The following LRRC46 variants were observed in gnomAD, a reference collection of about 807,000 sequenced individuals.
LRRC46 encodes leucine-rich repeat-containing protein 46.
LRRC46 carries 20 observed loss-of-function variants against 28.0 expected under a neutral mutation model. The ratio of observed to expected loss-of-function variants is 0.71; its 90% CI spans 0.50 to 1.04. The LOEUF (loss-of-function observed/expected upper bound fraction) is 1.04. LRRC46 is among the 50% of genes least tolerant of loss of function. The pLI is 0.00. For missense variants in LRRC46, 315 were observed against 390.1 expected, an observed-to-expected ratio of 0.81 and a Z score of 1.62; for synonymous variants, 156 against 158.8, an observed-to-expected ratio of 0.98 and a Z score of 0.13.
chr17:47,835,181 A>G, intron 3 of LRRC46, 172 bp from the exon 4 acceptor site: 1 of 743,036 alleles, frequency 1.3e-6, no homozygotes, highest in Non-Finnish European at 2.4e-6. Context: ...ATGGGGAAAG[A>G]AAATCATCTT....
Position 47,834,419 on chromosome 17 carries a change from T to C in LRRC46, c.117-6T>C. The C allele has an allele frequency of 6.2e-7, 1 of 1,605,058 alleles. No individual in the cohort carries two copies. The highest frequency in any genetic ancestry group is 8.5e-7 in the Non-Finnish European group (1 of 1,172,918). ...CTAACACCACCCTTACTGACTCTTT[T>C]CCCAGGTTTCACACTCTTGATGAAC... On this transcript the variant is annotated splice_region_variant and splice_polypyrimidine_tract_variant and intron_variant, in intron 2 of 7. Transcript: ENST00000269025.
chr17:47,833,390 C>T (rs1205187066), intron 2 of LRRC46, among the ~76,000 whole-genome samples: 2 of 151,232 alleles, frequency 1.3e-5, no homozygotes, highest in African/African-American at 4.9e-5. Context: ...CCTCCTTCTT[C>T]CTTTCCCCTG....
In LRRC46 at chr17:47,832,222, G is replaced by A; in HGVS notation, c.116+17G>A. ...AGAGAAGATGTGAGTGCATGGGGGA[G>A]AAAAGGGGTGCTAGAAGGCTGAAAC... is the stretch of plus-strand genomic sequence containing the variant. On this transcript the variant is annotated intron_variant, in intron 2 of 7. Transcript: ENST00000269025. 1 of 1,541,566 alleles carries A rather than the reference G, an allele frequency of 6.5e-7. No homozygotes were observed. The highest frequency in any genetic ancestry group is 8.8e-7 in the Non-Finnish European group (1 of 1,138,360).
At chr17:47,832,523 T>TA (rs562128112) in intron 2 of LRRC46, among the ~76,000 whole-genome samples, 39 of 151,926 alleles carry the variant, frequency 2.6e-4, no homozygotes, top group African/African-American at 9.4e-4. Flanking sequence ...ATCCTATCTC[T>TA]AAAAAATAAA....
At chr17:47,834,360 A>G (rs376001448) in intron 2 of LRRC46, 65 bp from the exon 3 acceptor site, 3 of 1,193,502 alleles carry the variant, frequency 2.5e-6, no homozygotes, top group Non-Finnish European at 3.6e-6. Context: ...TCCGTCTCCC[A>G]TCCTCCCTGC....
In LRRC46 at chr17:47,836,339, G is replaced by A; in HGVS notation, c.459G>A (p.Leu153=). 1 of 1,613,898 alleles carries A rather than the reference G, an allele frequency of 6.2e-7. No homozygotes were observed. Among genetic ancestry groups the A allele is most frequent in the Non-Finnish European group, 8.5e-7 (1 of 1,180,018 alleles). The part of the protein sequence containing the change: ...SCTNQDGYRE[L]VTEALPLLLD... ...TGCTCCTTCTGCTCTGCAGCGAGCT[G>A]GTGACAGAAGCCCTGCCACTTCTCC... is the stretch of plus-strand genomic sequence containing the variant. Residue 153 remains leucine (L), a synonymous_variant, in exon 7 of 8, where the codon CTG becomes CTA. Transcript: ENST00000269025. The surrounding 1 kb of genome is among the most constrained non-coding windows in gnomAD (Gnocchi z 5.8).
rs1298647432 is a variant in LRRC46, at chr17:47,836,099, A to G, written c.449A>G (p.Tyr150Cys). The G allele has an allele frequency of 6.2e-7, 1 of 1,614,120 alleles. No individual in the cohort carries two copies. The highest frequency in any genetic ancestry group is 1.1e-5 in the South Asian group (1 of 91,082). ...SGNSCTNQDG[Y>C]RELVTEALPL... ...AACAGCTGCACCAACCAGGATGGCT[A>G]CCGGTAAGGAGTGGAGGGTGGGAAG... The change falls in exon 6 of 8, where the codon TAC becomes TGC. Residue 150 changes from tyrosine (Y) to cysteine (C), a missense_variant. By Grantham distance (194) the Tyr-to-Cys change is radical. Coordinates refer to ENST00000269025, the MANE Select transcript of LRRC46 (RefSeq NM_033413.4). This position sits in a 1 kb window ranked among gnomAD's most constrained non-coding sequence, Gnocchi z 5.8.
chr17:47,832,220 G>C lies in LRRC46; in HGVS notation c.116+15G>C. On this transcript the variant is annotated intron_variant, in intron 2 of 7. Coordinates refer to ENST00000269025, the MANE Select transcript of LRRC46 (RefSeq NM_033413.4). Reference sequence around the variant, plus strand: ...TCAGAGAAGATGTGAGTGCATGGGGGAGAAAAGGGGTGCTAGAAGGCTGAA... The same window carrying C: ...TCAGAGAAGATGTGAGTGCATGGGGCAGAAAAGGGGTGCTAGAAGGCTGAA... 6.5e-7 allele frequency: 1 copy of C among 1,545,760 alleles called. No homozygotes were observed. The highest frequency in any genetic ancestry group is 8.8e-7 in the Non-Finnish European group (1 of 1,141,242).
chr17:47,834,392 C>G (rs1277512361), intron 2 of LRRC46, 33 bp from the exon 3 acceptor site: 14 of 1,480,568 alleles, frequency 9.5e-6, no homozygotes, highest in Non-Finnish European at 1.3e-5. Context: ...ATGAGTGGTG[C>G]TCTAACACCA....
At chr17:47,834,780 C>T in intron 3 of LRRC46, 1 of 363,176 alleles carries the variant, frequency 2.8e-6, no homozygotes, top group African/African-American at 2.1e-5. Flanking sequence ...TCTAGAAGTT[C>T]TTTTTGGCAT....
Position 47,831,952 on chromosome 17 carries a change from C to T in LRRC46, c.-38C>T, listed in dbSNP as rs757089477. On this transcript the variant is annotated 5_prime_UTR_variant, in exon 1 of 8. Transcript: ENST00000269025. ...GCCGCCAAGACCTCTCTTTTCGTTC[C>T]TCTCCCGCCTCAGACCAGCAGCCTT... The T allele has an allele frequency of 6.2e-7, 1 of 1,612,536 alleles. No individual in the cohort carries two copies. The highest frequency in any genetic ancestry group is 1.3e-5 in the African/African-American group (1 of 74,854).
In LRRC46 at chr17:47,837,325, A is replaced by T. The variant is rs953898169; in HGVS notation, c.*205A>T. Reference sequence around the variant, plus strand: ...AGAGCTCAGTGAGCCACCTGATTCTAAAGAGCGAGTCTGGAATCTTTCGGG... The same window carrying T: ...AGAGCTCAGTGAGCCACCTGATTCTTAAGAGCGAGTCTGGAATCTTTCGGG... On this transcript the variant is annotated 3_prime_UTR_variant, in exon 8 of 8. Transcript: ENST00000269025. The T allele has an allele frequency of 1.2e-5, 8 of 660,270 alleles. No individual in the cohort carries two copies. The highest frequency in any genetic ancestry group is 1.9e-5 in the Non-Finnish European group (8 of 419,924). The allele number at this position is 660,270 out of a possible 1,614,324, so 40.9% of individuals were successfully genotyped here. A position where few individuals can be genotyped will look rare whatever the true frequency, so the allele number is the denominator to read the frequency against.
At chr17:47,834,911 G>A (rs1034222207) in intron 3 of LRRC46, 5 of 224,064 alleles carry the variant, frequency 2.2e-5, no homozygotes, top group Non-Finnish European at 4.4e-5. Flanking sequence ...TGGTGGTGGT[G>A]GTGGTTGGTT....
chr17:47,836,429 CG>C lies in LRRC46; in HGVS notation c.550del (p.Asp184MetfsTer7). 1 of 1,614,118 alleles carries C rather than the reference CG, an allele frequency of 6.2e-7. No homozygotes were observed. ...CGGATGAGGAGGATGAAGCCTCAAG[CG>C]ATGAGGAGTTCCCAGAGCTGAGTGG... The part of the protein sequence containing the change: ...ISDEEDEASS[D>X]EEFPELSGPF... On this transcript the variant is annotated frameshift_variant, in exon 7 of 8. Coordinates refer to ENST00000269025, the MANE Select transcript of LRRC46 (RefSeq NM_033413.4). LOFTEE classifies it low-confidence loss of function (END_TRUNC). The surrounding 1 kb of genome is among the most constrained non-coding windows in gnomAD (Gnocchi z 5.8).
Position 47,835,419 on chromosome 17 carries a change from A to T in LRRC46, c.272+20A>T. ...CTTGCGGTATGTGGTGCCAGGGCTC[A>T]GGCAGGGGAAGAGGGGTTGGGGGAA... On this transcript the variant is annotated intron_variant, in intron 4 of 7. Coordinates refer to ENST00000269025, the MANE Select transcript of LRRC46 (RefSeq NM_033413.4). 1 of 1,613,448 alleles carries T rather than the reference A, an allele frequency of 6.2e-7. No individual in the cohort carries two copies. Among genetic ancestry groups the T allele is most frequent in the South Asian group, 1.1e-5 (1 of 91,058 alleles).
chr17:47,836,029 G>A lies in LRRC46; in HGVS notation c.383-4G>A, dbSNP rs746718998. On this transcript the variant is annotated splice_polypyrimidine_tract_variant and splice_region_variant and intron_variant, in intron 5 of 7. Transcript: ENST00000269025. The surrounding 1 kb of genome is among the most constrained non-coding windows in gnomAD (Gnocchi z 5.8). ...CCCATTTCCTCTCTCTTTGCTGTGT[G>A]CAGATGAGTTCCCCCAGAGCCTTCT... is the stretch of plus-strand genomic sequence containing the variant. The A allele has an allele frequency of 5.0e-6, 8 of 1,614,138 alleles. No individual in the cohort carries two copies. The Admixed American group carries it at 1.3e-4, about 27-fold the overall frequency.
chr17:47,836,248 C>T lies in LRRC46; in HGVS notation c.453-85C>T, dbSNP rs146045848. ...CCTAGCTCATGAGCCACCACCCCTC[C>T]GGGTGTGAGTGCTGTGGTGCGTGTC... On this transcript the variant is annotated intron_variant, in intron 6 of 7. Coordinates refer to ENST00000269025, the MANE Select transcript of LRRC46 (RefSeq NM_033413.4). The surrounding 1 kb of genome is among the most constrained non-coding windows in gnomAD (Gnocchi z 5.8). 5.0e-4 allele frequency: 800 copies of T among 1,590,542 alleles called. 4 individuals are homozygous for T. In the African/African-American group the frequency reaches 9.4e-3, roughly 19 times the overall value.
rs141011934 is a variant in LRRC46 at position 47,835,757 on chromosome 17, A to C, written c.364A>C (p.Ile122Leu). 6.2e-7 allele frequency: 1 copy of C among 1,613,946 alleles called. No homozygotes were observed. The highest frequency in any genetic ancestry group is 1.3e-5 in the African/African-American group (1 of 74,900). Residue 122 changes from isoleucine (I) to leucine (L), a missense_variant, in exon 5 of 8, where the codon ATA (isoleucine) becomes CTA (leucine). Coordinates refer to ENST00000269025, the MANE Select transcript of LRRC46 (RefSeq NM_033413.4). ...GTTTCTGGACCTTTCTGAGAACCTG[A>C]TAGAAACATTGAAGCTGGGTAGGAA... ...LQFLDLSENL[I>L]ETLKLDEFPQ...
At chr17:47,835,305 A>C in intron 3 of LRRC46, 48 bp from the exon 4 acceptor site, 1 of 1,600,718 alleles carries the variant, frequency 6.2e-7, no homozygotes, top group Non-Finnish European at 8.6e-7. Context: ...AGGGCCCCTG[A>C]CGCATCTGAT....
Sources: allele counts gnomAD v4.1 joint callset (sites outside exome capture counted in the v4.1 genomes callset), GRCh38; gene constraint gnomAD v4.1.1; non-coding constraint Gnocchi (gnomAD v3.1); transcripts MANE v1.5; gene names NCBI Gene and HGNC (gene_info 2026-07-23, HGNC 2026-07-21).